ZDHHC13: variants seen among roughly 807,000 people sequenced by gnomAD.
ZDHHC13 encodes the protein palmitoyltransferase ZDHHC13.
ZDHHC13 carries 85 observed loss-of-function variants against 86.0 expected under a neutral mutation model. The observed-to-expected ratio is 0.99, with a 90% CI of 0.83 to 1.18. The LOEUF (loss-of-function observed/expected upper bound fraction) is 1.18, where lower values mean the gene tolerates loss of function less well. Among genes scored for constraint, ZDHHC13 ranks in the 50% most tolerant of loss-of-function variants. The pLI, the probability that ZDHHC13 is intolerant of heterozygous loss-of-function variation, is 0.00. For synonymous variants in ZDHHC13, 263 were observed against 246.4 expected, an observed-to-expected ratio of 1.07 and a Z score of -0.63; for missense variants, 711 against 730.2, an observed-to-expected ratio of 0.97 and a Z score of 0.30.
intron 2 of ZDHHC13, among the ~76,000 whole-genome samples, chr11:19,143,359 C>T (rs1849375456): frequency 6.6e-6 from 1 of 152,204 alleles, no homozygotes; most frequent in Non-Finnish European, 1.5e-5. Context: ...AGCATGTCTT[C>T]ATCTTTGTAG....
chr11:19,147,762 T>G, intron 4 of ZDHHC13, 89 bp downstream of exon 4: 2 of 864,614 alleles, frequency 2.3e-6, no homozygotes, highest in East Asian at 3.0e-5. Flanking sequence ...TTTGAAAGGC[T>G]GTCTTTTCTT....
At chr11:19,141,847 A>C (rs940506852) in intron 1 of ZDHHC13, among the ~76,000 whole-genome samples, 4 of 152,124 alleles carry the variant, frequency 2.6e-5, no homozygotes, top group Admixed American at 2.0e-4. Flanking sequence ...AGGTGATCCG[A>C]ATGTAACATT....
intron 9 of ZDHHC13, among the ~76,000 whole-genome samples, chr11:19,157,017 A>G (rs1193390109): frequency 6.6e-6 from 1 of 151,944 alleles, no homozygotes; most frequent in Non-Finnish European, 1.5e-5. Flanking sequence ...CTTCTTTCTC[A>G]CACATCAGGC....
At chr11:19,164,804 A>G in intron 12 of ZDHHC13, 1 of 500,906 alleles carries the variant, frequency 2.0e-6, no homozygotes, top group Non-Finnish European at 3.6e-6. Flanking sequence ...GCTCTGTGGT[A>G]CTGCCTCATT....
intron 1 of ZDHHC13, among the ~76,000 whole-genome samples, chr11:19,140,799 A>G (rs906702828): frequency 6.6e-6 from 1 of 151,982 alleles, no homozygotes; most frequent in African/African-American, 2.4e-5. Context: ...CATCATTCTC[A>G]GTAAACTATT....
Position 19,152,558 on chromosome 11 carries a change from G to T in ZDHHC13, c.748-1G>T, listed in dbSNP as rs1849641809. On this transcript the variant is annotated splice_acceptor_variant, in intron 7 of 16. Coordinates refer to ENST00000446113, the MANE Select transcript of ZDHHC13 (RefSeq NM_019028.3). LOFTEE classifies it high-confidence loss of function. ...AACTTTTTACCCTACTCTTTTTTAA[G>T]GGAGAAACACCTCTTGATATGGCTC... 6 of 1,597,740 alleles carry T rather than the reference G, an allele frequency of 3.8e-6. No homozygotes were observed. Among genetic ancestry groups the T allele is most frequent in the Non-Finnish European group, 4.3e-6 (5 of 1,174,786 alleles).
chr11:19,123,013 A>G lies in ZDHHC13; in HGVS notation c.27+5737A>G, dbSNP rs140401678. On this transcript the variant is annotated intron_variant, in intron 1 of 16. Transcript: ENST00000446113. The stretch of plus-strand genomic sequence containing the variant: ...TTTCTTAAAGTTGCCATTTAATCAT[A>G]TATAATCACATATTGCCTGCTATTA... Among the ~76,000 whole-genome samples, 1,236 of 152,356 alleles carry G rather than the reference A, an allele frequency of 8.1e-3. 14 individuals carry two copies. Among genetic ancestry groups the G allele is most frequent in the African/African-American group, 0.028 (1,163 of 41,584 alleles).
chr11:19,149,151 C>T, intron 4 of ZDHHC13, 36 bp from the exon 5 acceptor site: 3 of 1,436,580 alleles, frequency 2.1e-6, no homozygotes, highest in Admixed American at 4.7e-5. Flanking sequence ...GCTTTTTCTG[C>T]ATGCTACAGA....
At chr11:19,150,674 A>G (rs1339781192) in intron 5 of ZDHHC13, 53 bp from the exon 6 acceptor site, 4 of 1,486,774 alleles carry the variant, frequency 2.7e-6, no homozygotes, top group African/African-American at 1.4e-5. Flanking sequence ...TAAGAGAACA[A>G]ATAGACTTTT....
intron 4 of ZDHHC13, among the ~76,000 whole-genome samples, chr11:19,148,345 A>C (rs1849523910): frequency 1.3e-5 from 2 of 151,940 alleles, no homozygotes; most frequent in Non-Finnish European, 2.9e-5. Context: ...TCCATAGCTA[A>C]GAGTTTTGAA....
intron 16 of ZDHHC13, among the ~76,000 whole-genome samples, chr11:19,174,379 A>G (rs966038640): frequency 2.0e-5 from 3 of 152,226 alleles, no homozygotes; most frequent in Admixed American, 6.5e-5. Flanking sequence ...TAGCTTTTGA[A>G]CCAGGCCCTA....
chr11:19,162,941 G>T (rs1028048633), intron 10 of ZDHHC13, among the ~76,000 whole-genome samples: 2 of 152,022 alleles, frequency 1.3e-5, no homozygotes, highest in African/African-American at 4.8e-5. Context: ...TTGTTTCTTT[G>T]AATGATTTTG....
chr11:19,162,719 G>T (rs891882151), intron 10 of ZDHHC13, among the ~76,000 whole-genome samples: 3 of 152,088 alleles, frequency 2.0e-5, no homozygotes, highest in Non-Finnish European at 4.4e-5. Flanking sequence ...TCAGCTCAGC[G>T]TGCAGGATCA....
chr11:19,144,504 A>T (rs535202993), intron 2 of ZDHHC13, among the ~76,000 whole-genome samples: 43 of 147,984 alleles, frequency 2.9e-4, no homozygotes, highest in South Asian at 2.1e-4. Context: ...TATTCTTATT[A>T]TGTTTCTAAA....
intron 13 of ZDHHC13, 62 bp downstream of exon 13, chr11:19,165,207 C>A: frequency 6.6e-7 from 1 of 1,515,792 alleles, no homozygotes; most frequent in South Asian, 1.2e-5. Context: ...TTATGACTCA[C>A]AGAAAAAGTG....
chr11:19,119,864 T>A (rs2133352218), intron 1 of ZDHHC13, among the ~76,000 whole-genome samples: 1 of 152,358 alleles, frequency 6.6e-6, no homozygotes, highest in Admixed American at 6.5e-5. Context: ...CTGGTACTTC[T>A]GTTAATGAGA....
chr11:19,117,244 G>T lies in ZDHHC13; in HGVS notation c.-6G>T, dbSNP rs1227148488. 6.6e-7 allele frequency: 1 copy of T among 1,520,278 alleles called. No individual in the cohort carries two copies. The allele number at this position is 1,520,278 out of a possible 1,614,324, so 94.2% of individuals were successfully genotyped here. On this transcript the variant is annotated 5_prime_UTR_variant, in exon 1 of 17. Transcript: ENST00000446113. The surrounding 1 kb of genome is among the most constrained non-coding windows in gnomAD (Gnocchi z 4.2). ...GTAGCCTCAGCCGCTGTGGGCTCCT[G>T]GGGAGATGGAGGGGCCGGGGCTGGG...
At chr11:19,170,983 A>G (rs1241335958) in intron 15 of ZDHHC13, among the ~76,000 whole-genome samples, 1 of 152,194 alleles carries the variant, frequency 6.6e-6, no homozygotes, top group African/African-American at 2.4e-5. Context: ...GTTAAATTAT[A>G]TGTTGTGTGT....
At chr11:19,147,781 C>CCT (rs796670281) in intron 4 of ZDHHC13, 108 bp downstream of exon 4, 13 of 745,282 alleles carry the variant, frequency 1.7e-5, no homozygotes, top group Non-Finnish European at 2.0e-5. Flanking sequence ...TTCCCCCCCC[C>CCT]CCTTTATTTA....
Sources: allele counts gnomAD v4.1 joint callset (sites outside exome capture counted in the v4.1 genomes callset), GRCh38; gene constraint gnomAD v4.1.1; non-coding constraint Gnocchi (gnomAD v3.1); transcripts MANE v1.5; gene names NCBI Gene and HGNC (gene_info 2026-07-23, HGNC 2026-07-21).